The following EYS variants were observed in gnomAD, a reference collection of about 807,000 sequenced individuals.
The protein encoded by EYS is protein eyes shut homolog.
EYS carries 250 observed loss-of-function variants against 282.1 expected under a neutral mutation model. The observed-to-expected ratio is 0.89, with a 90% CI of 0.80 to 0.98. The LOEUF is 0.98. Ranked by LOEUF, EYS falls within the 50% of genes least tolerant of loss-of-function variation. The probability of loss-of-function intolerance (pLI) is 0.00; values close to 1 mark genes in which losing one functional copy is unlikely to be tolerated. For synonymous variants in EYS, 1,355 were observed against 1,282.9 expected, an observed-to-expected ratio of 1.06 and a Z score of -1.20; for missense variants, 4,016 against 3,709.0, an observed-to-expected ratio of 1.08 and a Z score of -2.15.
At chr6:65,277,868 C>G (rs1011120524) in intron 12 of EYS, among the ~76,000 whole-genome samples, 2 of 151,956 alleles carry the variant, frequency 1.3e-5, no homozygotes, top group African/African-American at 2.4e-5. Context: ...GTTAAGTTAA[C>G]ACGGGATGGA....
chr6:65,244,455 C>A (rs1196953685), intron 12 of EYS, among the ~76,000 whole-genome samples: 3 of 152,012 alleles, frequency 2.0e-5, no homozygotes, highest in African/African-American at 7.2e-5. Context: ...TCATGCTGTT[C>A]TAAAATAATT....
At chr6:65,484,355 T>C (rs1304943620) in intron 5 of EYS, among the ~76,000 whole-genome samples, 2 of 152,214 alleles carry the variant, frequency 1.3e-5, no homozygotes, top group South Asian at 4.1e-4. Flanking sequence ...GTTTGATAAA[T>C]CACCACTTGG....
At chr6:64,339,290 A>T (rs913871712) in intron 29 of EYS, among the ~76,000 whole-genome samples, 5 of 152,016 alleles carry the variant, frequency 3.3e-5, no homozygotes, top group Admixed American at 6.6e-5. Flanking sequence ...GTAAGAAAAA[A>T]AAAGCAATCC....
At chr6:65,686,847 T>C (rs1340639629) in intron 1 of EYS, among the ~76,000 whole-genome samples, 1 of 151,890 alleles carries the variant, frequency 6.6e-6, no homozygotes, top group African/African-American at 2.4e-5. Flanking sequence ...TTGACACTGG[T>C]AAAAGTTAAG....
At position 65,282,316 on chromosome 6, in the gene EYS, A is replaced by G. The variant is rs528691564; in HGVS notation, c.2023+13547T>C. 2.0e-5 allele frequency among the ~76,000 whole-genome samples: 3 copies of G among 152,194 alleles called. No homozygotes were observed. The South Asian group carries it at 6.2e-4, about 32-fold the overall frequency. On this transcript the variant is annotated intron_variant, in intron 12 of 42. Transcript: ENST00000503581. ...TAATTACTCCACATTCTATTTATAAATCAAAACATTGCTTTGTACATCATA... is the reference window on the plus strand; with the variant it reads ...TAATTACTCCACATTCTATTTATAAGTCAAAACATTGCTTTGTACATCATA...
intron 9 of EYS, among the ~76,000 whole-genome samples, chr6:65,344,864 C>A (rs1770335844): frequency 1.3e-5 from 2 of 151,566 alleles, no homozygotes; most frequent in African/African-American, 4.8e-5. Context: ...AAGACCTGAT[C>A]CAATCTTTTT....
At chr6:64,315,137 C>A (rs1383055988) in intron 29 of EYS, among the ~76,000 whole-genome samples, 1 of 152,112 alleles carries the variant, frequency 6.6e-6, no homozygotes, top group East Asian at 1.9e-4. Context: ...TTAGAGAATA[C>A]TATAAACACC....
intron 13 of EYS, among the ~76,000 whole-genome samples, chr6:65,032,312 A>G (rs10080886): frequency 1.3e-3 from 200 of 152,284 alleles, no homozygotes; most frequent in African/African-American, 4.7e-3. Context: ...CCAGACATAT[A>G]TAAAAGAGTT....
At position 64,295,541 on chromosome 6, in the gene EYS, GAAGAA is replaced by G; in HGVS notation, c.6191+11424_6191+11428del. ...AGAAAGAAGAAAGAAGAAGAAAGAA[GAAGAA>G]AGAAGAAGAAAGAAGAAGAAAAGAA... On this transcript the variant is annotated intron_variant, in intron 30 of 42. Transcript: ENST00000503581. Among the ~76,000 whole-genome samples, 2 of 57,830 alleles carry G rather than the reference GAAGAA, an allele frequency of 3.5e-5. 1 individual carries two copies. Among genetic ancestry groups the G allele is most frequent in the African/African-American group, 2.3e-4 (2 of 8,718 alleles). The allele number at this position is 57,830 out of a possible 152,430, so 37.9% of individuals were successfully genotyped here.
intron 26 of EYS, among the ~76,000 whole-genome samples, chr6:64,566,080 A>G (rs1042946416): frequency 1.3e-5 from 2 of 151,934 alleles, no homozygotes; most frequent in Non-Finnish European, 2.9e-5. Context: ...TTTCTATATT[A>G]TTTCAAAAAT....
intron 11 of EYS, among the ~76,000 whole-genome samples, chr6:65,324,642 T>C (rs1400222320): frequency 6.6e-6 from 1 of 152,170 alleles, no homozygotes; most frequent in Admixed American, 6.6e-5. Flanking sequence ...AAATGGTACC[T>C]ATAACAGTGA....
chr6:65,135,316 A>C (rs1015604168), intron 12 of EYS, among the ~76,000 whole-genome samples: 1 of 152,048 alleles, frequency 6.6e-6, no homozygotes, highest in Non-Finnish European at 1.5e-5. Flanking sequence ...TCCAAAGACA[A>C]ATTCATTTTA....
chr6:64,253,088 T>A (rs1767277167), intron 30 of EYS, among the ~76,000 whole-genome samples: 1 of 152,138 alleles, frequency 6.6e-6, no homozygotes, highest in South Asian at 2.1e-4. Flanking sequence ...TGTGAGGAAG[T>A]ACTAAAACCC....
At position 64,591,055 on chromosome 6, in the gene EYS, A is replaced by G; in HGVS notation, c.4812T>C (p.Thr1604=). Residue 1604 remains threonine, a synonymous_variant, in exon 26 of 43, where the codon ACT becomes ACC. Transcript: ENST00000503581. ...AAGAAAATGAATGCCCAGAAGTGATAGTTTGAGCTCCCATTAGTGCATACC... is the reference window on the plus strand; with the variant it reads ...AAGAAAATGAATGCCCAGAAGTGATGGTTTGAGCTCCCATTAGTGCATACC... The part of the protein sequence containing the change: ...ASWYALMGAQ[T]ITSGHSFSSA... 1 of 1,551,330 alleles carries G rather than the reference A, an allele frequency of 6.4e-7. No individual in the cohort carries two copies. The highest frequency in any genetic ancestry group is 8.7e-7 in the Non-Finnish European group (1 of 1,146,784).
intron 28 of EYS, among the ~76,000 whole-genome samples, chr6:64,432,665 C>T (rs1238624338): frequency 6.6e-6 from 1 of 151,800 alleles, no homozygotes. Context: ...TAAAATATAA[C>T]ATCAGACTCT....
chr6:64,147,271 A>AT (rs1226007737), intron 31 of EYS, among the ~76,000 whole-genome samples: 1 of 152,178 alleles, frequency 6.6e-6, no homozygotes, highest in African/African-American at 2.4e-5. Context: ...CAAATCACTA[A>AT]TTCACATGGA....
chr6:65,150,186 G>GA lies in EYS; in HGVS notation c.2024-92460dup, dbSNP rs374145023. ...GCCATATCACCTGTCATTATGGGGG[G>GA]AAATAGTGTGAACACTTTTATCTGG... On this transcript the variant is annotated intron_variant, in intron 12 of 42. Coordinates refer to ENST00000503581, the MANE Select transcript of EYS (RefSeq NM_001142800.2). 5.7e-4 allele frequency among the ~76,000 whole-genome samples: 87 copies of GA among 152,108 alleles called. 1 individual carries two copies. The highest frequency in any genetic ancestry group is 2.0e-3 in the African/African-American group (85 of 41,542).
At chr6:64,239,880 G>C (rs1766740797) in intron 30 of EYS, among the ~76,000 whole-genome samples, 1 of 152,076 alleles carries the variant, frequency 6.6e-6, no homozygotes, top group South Asian at 2.1e-4. Flanking sequence ...GGGTTTTTAT[G>C]ATTTTAGGTC....
intron 36 of EYS, among the ~76,000 whole-genome samples, chr6:63,807,143 C>T (rs1770927108): frequency 6.6e-6 from 1 of 152,090 alleles, no homozygotes; most frequent in South Asian, 2.1e-4. Flanking sequence ...TCATAAGTCT[C>T]CACTGGTTTT....
Sources: allele counts gnomAD v4.1 joint callset (sites outside exome capture counted in the v4.1 genomes callset), GRCh38; gene constraint gnomAD v4.1.1; transcripts MANE v1.5; gene names NCBI Gene and HGNC (gene_info 2026-07-23, HGNC 2026-07-21).